EPHA6: variants seen among roughly 807,000 people sequenced by gnomAD.
EPHA6 encodes the protein EPH receptor A6.
EPHA6 carries 50 observed loss-of-function variants against 112.0 expected under a neutral mutation model. The observed-to-expected ratio is 0.45, with a 90% confidence interval of 0.36 to 0.56. The LOEUF (loss-of-function observed/expected upper bound fraction) is 0.56, where lower values mean the gene tolerates loss of function less well. EPHA6 is among the 20% of genes least tolerant of loss of function. EPHA6 has a pLI of 0.00. For synonymous variants in EPHA6, 529 were observed against 490.7 expected (o/e 1.08, Z -1.03); for missense variants, 1,280 against 1,417.4 (o/e 0.90, Z 1.56).
intron 11 of EPHA6, among the ~76,000 whole-genome samples, chr3:97,566,037 G>C (rs896708811): frequency 6.8e-6 from 1 of 146,338 alleles, no homozygotes; most frequent in South Asian, 2.1e-4. Flanking sequence ...AAAAAAAAAG[G>C]AAAGAGATTT....
intron 3 of EPHA6, among the ~76,000 whole-genome samples, chr3:97,041,005 T>C (rs933605523): frequency 4.6e-5 from 7 of 152,134 alleles, no homozygotes; most frequent in Admixed American, 2.0e-4. Context: ...TAGGTACTTA[T>C]TTCTACTTTT....
intron 14 of EPHA6, among the ~76,000 whole-genome samples, chr3:97,639,953 T>G (rs2093986118): frequency 1.9e-5 from 1 of 52,492 alleles, no homozygotes; most frequent in African/African-American, 5.9e-5. Flanking sequence ...TATAATCAAG[T>G]TTTTTTTTTT....
intron 14 of EPHA6, among the ~76,000 whole-genome samples, chr3:97,691,730 T>A (rs1445531342): frequency 6.6e-6 from 1 of 152,232 alleles, no homozygotes; most frequent in Admixed American, 6.5e-5. Flanking sequence ...TATCTGATTG[T>A]ACTAAAATAT....
At chr3:97,364,300 G>T (rs1473309638) in intron 5 of EPHA6, among the ~76,000 whole-genome samples, 1 of 151,162 alleles carries the variant, frequency 6.6e-6, no homozygotes, top group Non-Finnish European at 1.5e-5. Flanking sequence ...TGCTAATATG[G>T]TAGAACCTGT....
intron 8 of EPHA6, among the ~76,000 whole-genome samples, chr3:97,477,424 GAGAA>G (rs755891857): frequency 1.1e-4 from 14 of 132,738 alleles, no homozygotes; most frequent in Non-Finnish European, 1.6e-4. Context: ...GAAAGAGAAA[GAGAA>G]AGAGAGAGGA....
chr3:97,407,395 A>G (rs950679859), intron 6 of EPHA6, among the ~76,000 whole-genome samples: 13 of 151,114 alleles, frequency 8.6e-5, no homozygotes, highest in Non-Finnish European at 5.9e-5. Flanking sequence ...ATACCTCACC[A>G]TAGAGAGCAG....
At chr3:97,592,435 A>G (rs1040083068) in intron 11 of EPHA6, among the ~76,000 whole-genome samples, 177 bp from the exon 12 acceptor site, 1 of 150,276 alleles carries the variant, frequency 6.7e-6, no homozygotes, top group Non-Finnish European at 1.5e-5. Context: ...TTTCTTTTCA[A>G]GAAACTAAGT....
chr3:96,837,226 G>T (rs2034469745), intron 1 of EPHA6, among the ~76,000 whole-genome samples: 3 of 152,102 alleles, frequency 2.0e-5, no homozygotes, highest in Non-Finnish European at 2.9e-5. Flanking sequence ...GATGTCACGA[G>T]CACAGAGTAC....
At chr3:97,584,619 G>A (rs183484123) in intron 11 of EPHA6, among the ~76,000 whole-genome samples, 3 of 152,214 alleles carry the variant, frequency 2.0e-5, no homozygotes, top group African/African-American at 7.2e-5. Context: ...AAATTATATG[G>A]AAGAACAGAG....
rs544680502 is a variant in EPHA6, at chr3:97,512,125, G to A, written c.2201-20233G>A. 2.8e-4 allele frequency among the ~76,000 whole-genome samples: 42 copies of A among 152,134 alleles called. No individual in the cohort carries two copies. In the South Asian group the frequency reaches 6.4e-3, roughly 23 times the overall value. On this transcript the variant is annotated intron_variant, in intron 10 of 17. Transcript: ENST00000389672. Reference sequence around the variant, plus strand: ...TAATAAGGTTTACATTAGTGACAACGGAGCTTTAACATCAAAACAAACTTT... The same window carrying A: ...TAATAAGGTTTACATTAGTGACAACAGAGCTTTAACATCAAAACAAACTTT...
intron 3 of EPHA6, among the ~76,000 whole-genome samples, chr3:96,999,634 C>T (rs767092285): frequency 1.3e-5 from 2 of 151,926 alleles, no homozygotes; most frequent in Non-Finnish European, 2.9e-5. Context: ...AAGAGGAAGA[C>T]CAAATTTTTC....
At chr3:96,908,626 A>G (rs1453874482) in intron 2 of EPHA6, among the ~76,000 whole-genome samples, 1 of 151,888 alleles carries the variant, frequency 6.6e-6, no homozygotes, top group Non-Finnish European at 1.5e-5. Context: ...GCTGAACAAT[A>G]CCTAGCCATT....
At chr3:97,587,968 G>A (rs2093506554) in intron 11 of EPHA6, among the ~76,000 whole-genome samples, 1 of 152,004 alleles carries the variant, frequency 6.6e-6, no homozygotes, top group African/African-American at 2.4e-5. Flanking sequence ...ACTTAGATAA[G>A]TGATCACCAA....
chr3:96,943,216 T>C (rs191685001), intron 2 of EPHA6, among the ~76,000 whole-genome samples: 1 of 152,250 alleles, frequency 6.6e-6, no homozygotes, highest in Non-Finnish European at 1.5e-5. Context: ...TATATTTTTT[T>C]CTTTATCCAT....
intron 2 of EPHA6, among the ~76,000 whole-genome samples, chr3:96,934,270 G>T (rs921327356): frequency 1.3e-5 from 2 of 151,680 alleles, no homozygotes; most frequent in Non-Finnish European, 3.0e-5. Flanking sequence ...ATTTCTATCA[G>T]ATTTTTTTCC....
At chr3:96,972,424 AACAC>A (rs3070424) in intron 2 of EPHA6, among the ~76,000 whole-genome samples, 13,502 of 144,318 alleles carry the variant, frequency 0.094, 718 homozygotes, top group East Asian at 0.21. Context: ...CACACACACA[AACAC>A]ACACACACAC....
intron 3 of EPHA6, among the ~76,000 whole-genome samples, chr3:97,012,166 T>G (rs1328550631): frequency 6.6e-6 from 1 of 152,160 alleles, no homozygotes; most frequent in Non-Finnish European, 1.5e-5. Context: ...AAAATATATA[T>G]GTACCCAGTA....
intron 6 of EPHA6, among the ~76,000 whole-genome samples, chr3:97,414,901 T>A (rs2088006354): frequency 6.6e-6 from 1 of 152,074 alleles, no homozygotes; most frequent in Admixed American, 6.6e-5. Context: ...TTGGCTATAT[T>A]CCTAATGGTT....
chr3:97,258,702 C>T (rs1576788117), intron 5 of EPHA6, among the ~76,000 whole-genome samples: 1 of 152,050 alleles, frequency 6.6e-6, no homozygotes, highest in Non-Finnish European at 1.5e-5. Context: ...ATCTGATCAA[C>T]TCTGTGTTCT....
Sources: allele counts gnomAD v4.1 joint callset (sites outside exome capture counted in the v4.1 genomes callset), GRCh38; gene constraint gnomAD v4.1.1; transcripts MANE v1.5; gene names NCBI Gene and HGNC (gene_info 2026-07-23, HGNC 2026-07-21).